GAS7: variants seen among roughly 807,000 people sequenced by gnomAD.
GAS7 encodes the protein growth arrest-specific protein 7.
Under a neutral mutation model 71.1 loss-of-function variants are expected in GAS7, and 28 were observed. That is an observed-to-expected ratio of 0.39 (90% confidence interval 0.29 to 0.54). GAS7 has a LOEUF of 0.54. GAS7 is among the 20% of genes least tolerant of loss of function. The pLI is 0.62. For missense variants in GAS7, 436 were observed against 627.8 expected (o/e 0.69, Z 3.27); for synonymous variants, 258 against 245.8 (o/e 1.05, Z -0.46).
intron 2 of GAS7, among the ~76,000 whole-genome samples, chr17:10,006,767 T>C (rs1415218885): frequency 1.3e-5 from 2 of 152,164 alleles, no homozygotes; most frequent in African/African-American, 2.4e-5. Flanking sequence ...GACCTGCCAT[T>C]ACATCCTCTT....
intron 5 of GAS7, among the ~76,000 whole-genome samples, chr17:9,949,214 A>G (rs1352834296): frequency 6.7e-6 from 1 of 149,024 alleles, no homozygotes; most frequent in Non-Finnish European, 1.5e-5. Context: ...CAGAGGCTGC[A>G]GAGATGCGTC....
intron 1 of GAS7, among the ~76,000 whole-genome samples, chr17:10,047,419 C>A (rs2072993729): frequency 6.6e-6 from 1 of 152,216 alleles, no homozygotes; most frequent in African/African-American, 2.4e-5. Flanking sequence ...GGAAGTCAAC[C>A]TTCCCCCAAG....
At chr17:10,150,420 A>AC (rs930392120) in intron 1 of GAS7, among the ~76,000 whole-genome samples, 94 of 28,994 alleles carry the variant, frequency 3.2e-3, no homozygotes, top group African/African-American at 0.014. Flanking sequence ...TTAAGTACAC[A>AC]CACACACACA....
chr17:10,046,717 C>G (rs558931451), intron 1 of GAS7, among the ~76,000 whole-genome samples: 40 of 123,964 alleles, frequency 3.2e-4, no homozygotes, highest in African/African-American at 1.2e-3. Context: ...GCCTGGGTGA[C>G]AGAGCAAGAC....
Position 9,919,822 on chromosome 17 carries a change from G to A in GAS7, c.1139-117C>T. ...CCCCCTGGGGTCATGGTGGCCGCTG[G>A]AAAGCTGGAAAAGGGATGGCAGTAG... is the stretch of plus-strand genomic sequence containing the variant. On this transcript the variant is annotated intron_variant, in intron 11 of 13. Transcript: ENST00000432992. This position sits in a 1 kb window ranked among gnomAD's most constrained non-coding sequence, Gnocchi z 5.0. The A allele has an allele frequency of 2.5e-6, 2 of 797,192 alleles. No individual in the cohort carries two copies. Among genetic ancestry groups the A allele is most frequent in the Non-Finnish European group, 4.4e-6 (2 of 454,338 alleles). The allele number at this position is 797,192 out of a possible 1,614,324, so 49.4% of individuals were successfully genotyped here.
chr17:10,039,993 G>T (rs1248676074), intron 1 of GAS7, among the ~76,000 whole-genome samples: 2 of 152,120 alleles, frequency 1.3e-5, no homozygotes, highest in African/African-American at 4.8e-5. Context: ...CTGCTGGGGG[G>T]ACTCTTCCTC....
Position 9,997,623 on chromosome 17 carries a change from T to G in GAS7, c.305-15739A>C, listed in dbSNP as rs565628588. Among the ~76,000 whole-genome samples, 22 of 152,286 alleles carry G rather than the reference T, an allele frequency of 1.4e-4. No homozygotes were observed. In the South Asian group the frequency reaches 1.5e-3, roughly 10 times the overall value. On this transcript the variant is annotated intron_variant, in intron 2 of 13. Transcript: ENST00000432992. ...GATTCTGATACTATCTACCTGGAGA[T>G]AGCATCAGATCCCACAGGCTGAAGG...
chr17:10,198,441 CG>C lies in GAS7; in HGVS notation c.-52del. 7.4e-7 allele frequency: 1 copy of C among 1,359,116 alleles called. No individual in the cohort carries two copies. The highest frequency in any genetic ancestry group is 1.5e-5 in the African/African-American group (1 of 65,416). The allele number at this position is 1,359,116 out of a possible 1,614,324, so 84.2% of individuals were successfully genotyped here. A position where few individuals can be genotyped will look rare whatever the true frequency, so the allele number is the denominator to read the frequency against. ...CAGCCTGCATTCCCGCCGAGCCCCACGGGCTGGGCAGCGGCTCCGCGGGGTC... is the reference window on the plus strand; with the variant it reads ...CAGCCTGCATTCCCGCCGAGCCCCACGGCTGGGCAGCGGCTCCGCGGGGTC... On this transcript the variant is annotated 5_prime_UTR_variant, in exon 1 of 14. Transcript: ENST00000432992.
At chr17:9,946,069 G>A (rs1263566081) in intron 6 of GAS7, among the ~76,000 whole-genome samples, 1 of 151,992 alleles carries the variant, frequency 6.6e-6, no homozygotes, top group Non-Finnish European at 1.5e-5. Flanking sequence ...TTGTTTTTTT[G>A]AAATGTACAA....
At chr17:10,030,385 G>A (rs866823913) in intron 1 of GAS7, among the ~76,000 whole-genome samples, 3 of 152,186 alleles carry the variant, frequency 2.0e-5, no homozygotes, top group South Asian at 4.1e-4. Flanking sequence ...GGGTTCTCAG[G>A]GCCAAAATAC....
chr17:10,107,270 T>A (rs2142061231), intron 1 of GAS7, among the ~76,000 whole-genome samples: 1 of 152,234 alleles, frequency 6.6e-6, no homozygotes, highest in East Asian at 1.9e-4. Flanking sequence ...CAAGGTGAAG[T>A]TCTACTTTGT....
intron 5 of GAS7, among the ~76,000 whole-genome samples, chr17:9,948,011 A>G (rs1038664428): frequency 2.0e-5 from 3 of 152,138 alleles, no homozygotes; most frequent in African/African-American, 7.2e-5. Context: ...CTTGTTTATA[A>G]TTGTCTTAAC....
intron 9 of GAS7, among the ~76,000 whole-genome samples, chr17:9,931,872 G>T (rs1374536820): frequency 6.6e-6 from 1 of 152,106 alleles, no homozygotes; most frequent in Non-Finnish European, 1.5e-5. Flanking sequence ...TCAGTCATCT[G>T]AGTCATTCAT....
intron 6 of GAS7, among the ~76,000 whole-genome samples, chr17:9,945,873 G>A (rs1424512472): frequency 6.6e-6 from 1 of 151,966 alleles, no homozygotes; most frequent in Non-Finnish European, 1.5e-5. Flanking sequence ...AGTCCCAGCT[G>A]CTCAGGAGGC....
At chr17:9,938,458 G>A (rs975875068) in intron 8 of GAS7, among the ~76,000 whole-genome samples, 13 of 135,004 alleles carry the variant, frequency 9.6e-5, no homozygotes, top group Admixed American at 2.4e-4. Context: ...GCGACAGAGC[G>A]AGACTCTGTC....
rs547115058 is a variant in GAS7, at chr17:9,979,311, A to G, written c.385+2493T>C. 1.1e-4 allele frequency among the ~76,000 whole-genome samples: 16 copies of G among 152,324 alleles called. No homozygotes were observed. In the South Asian group the frequency reaches 3.3e-3, roughly 32 times the overall value. On this transcript the variant is annotated intron_variant, in intron 3 of 13. Transcript: ENST00000432992. ...CCTGGGGATGGGGGCAGAGGGGGACAGGAGTTGTCAACACACTCAGTCTAG... is the reference window on the plus strand; with the variant it reads ...CCTGGGGATGGGGGCAGAGGGGGACGGGAGTTGTCAACACACTCAGTCTAG...
chr17:10,032,758 A>G (rs557394212), intron 1 of GAS7, among the ~76,000 whole-genome samples: 16 of 152,354 alleles, frequency 1.1e-4, no homozygotes, highest in African/African-American at 3.8e-4. Context: ...GCTTCCCTCC[A>G]AACACTTTTG....
chr17:9,927,417 T>C (rs1597461165), intron 9 of GAS7, among the ~76,000 whole-genome samples: 1 of 150,526 alleles, frequency 6.6e-6, no homozygotes, highest in African/African-American at 2.4e-5. Flanking sequence ...ACCTGGGAGG[T>C]TGCAGTGAGC....
chr17:10,146,389 G>A (rs1411920687), intron 1 of GAS7, among the ~76,000 whole-genome samples: 1 of 152,138 alleles, frequency 6.6e-6, no homozygotes, highest in Non-Finnish European at 1.5e-5. Flanking sequence ...AATTATGACT[G>A]CATTTCACAT....
Sources: gnomAD v4.1 joint callset for allele counts (sites outside exome capture counted in the v4.1 genomes callset) on GRCh38, gnomAD v4.1.1 for gene constraint, Gnocchi (gnomAD v3.1) non-coding constraint, MANE v1.5 for transcripts, NCBI Gene and HGNC (gene_info 2026-07-23, HGNC 2026-07-21) for gene names.